TTC23L: variants seen among roughly 807,000 people sequenced by gnomAD.
TTC23L encodes the protein tetratricopeptide repeat domain 23 like.
Under a neutral mutation model 48.1 loss-of-function variants are expected in TTC23L, and 42 were observed. The ratio of observed to expected loss-of-function variants is 0.87; its 90% CI spans 0.68 to 1.13. TTC23L has a LOEUF of 1.13. Ranked by LOEUF, TTC23L falls within the 50% of genes most tolerant of loss-of-function variation. The probability of loss-of-function intolerance (pLI) is 0.00; values close to 1 mark genes in which losing one functional copy is unlikely to be tolerated. For missense variants in TTC23L, 391 were observed against 421.0 expected (o/e 0.93, Z 0.62); for synonymous variants, 159 against 157.2 (o/e 1.01, Z -0.09).
intron 10 of TTC23L, 134 bp from the exon 11 acceptor site, chr5:34,899,256 C>T (rs779377658): frequency 1.3e-5 from 2 of 152,572 alleles, no homozygotes; most frequent in Admixed American, 6.5e-5. Context: ...GTGACACAGT[C>T]GCCTCAGGCT....
chr5:34,917,595 G>A, the TTC23L span, among the ~76,000 whole-genome samples: 3 of 152,030 alleles, frequency 2.0e-5, no homozygotes, highest in African/African-American at 7.2e-5. Context: ...AGCCGAGATC[G>A]CGCCACTGCA....
downstream of TTC23L, among the ~76,000 whole-genome samples, chr5:34,900,644 A>C (rs183205957): frequency 1.8e-4 from 27 of 152,380 alleles, no homozygotes; most frequent in East Asian, 3.9e-3. Context: ...TCTTTGATAC[A>C]TATCAAGCAA....
At chr5:34,914,672 C>T in the TTC23L span, 43 of 1,612,652 alleles carry the variant, frequency 2.7e-5, no homozygotes, top group Non-Finnish European at 3.6e-5. Context: ...ATGGCACAGG[C>T]TTAAAGGCGC....
intron 7 of TTC23L, chr5:34,868,013 T>C (rs761079787): frequency 1.1e-4 from 17 of 152,202 alleles, no homozygotes; most frequent in Non-Finnish European, 2.5e-4. Context: ...AGAGTTAAAA[T>C]GTATGGAATG....
the TTC23L span, among the ~76,000 whole-genome samples, chr5:34,910,912 C>A: frequency 6.6e-6 from 1 of 152,188 alleles, no homozygotes. Context: ...CTATCAAGAA[C>A]AGCTTTTTTG....
At chr5:34,878,920 T>A (rs1762037494) in intron 8 of TTC23L, among the ~76,000 whole-genome samples, 1 of 152,174 alleles carries the variant, frequency 6.6e-6, no homozygotes. Flanking sequence ...CTATTCACAA[T>A]AGTAAAGATA....
intron 9 of TTC23L, among the ~76,000 whole-genome samples, chr5:34,884,055 C>A (rs184237053): frequency 1.6e-3 from 245 of 152,252 alleles, no homozygotes; most frequent in Middle Eastern, 3.4e-3. Flanking sequence ...GAGTCATGCA[C>A]CATCACCAAG....
the TTC23L span, chr5:34,921,055 G>A: frequency 6.6e-6 from 1 of 152,224 alleles, no homozygotes; most frequent in East Asian, 1.9e-4. Context: ...TAGTAGAGAT[G>A]GAGCTTTGCC....
intron 8 of TTC23L, among the ~76,000 whole-genome samples, chr5:34,875,536 C>T: frequency 1.3e-5 from 2 of 152,118 alleles, no homozygotes; most frequent in Middle Eastern, 6.8e-3. Flanking sequence ...TTTATCCTAG[C>T]CACAGTGGCA....
intron 4 of TTC23L, among the ~76,000 whole-genome samples, chr5:34,858,276 T>C (rs1420329745): frequency 2.0e-5 from 3 of 152,160 alleles, no homozygotes; most frequent in African/African-American, 7.2e-5. Context: ...CATAGATATA[T>C]ACAATAATAA....
intron 8 of TTC23L, among the ~76,000 whole-genome samples, chr5:34,876,182 T>C (rs1761818697): frequency 6.6e-6 from 1 of 151,764 alleles, no homozygotes; most frequent in Non-Finnish European, 1.5e-5. Context: ...AGATCTAAAA[T>C]CAGTAATCTA....
At chr5:34,915,992 A>G in the TTC23L span, 2 of 1,390,816 alleles carry the variant, frequency 1.4e-6, no homozygotes, top group South Asian at 1.5e-5. Context: ...TTAATTTCAG[A>G]GTAGCCCGGG....
intron 4 of TTC23L, among the ~76,000 whole-genome samples, chr5:34,853,523 C>T (rs1759862522): frequency 6.6e-6 from 1 of 151,988 alleles, no homozygotes. Flanking sequence ...GAGCGAGACT[C>T]TGTAGTAGTG....
chr5:34,862,969 A>G, exon 5 of TTC23L: 1 of 1,613,918 alleles, frequency 6.2e-7, no homozygotes, highest in Non-Finnish European at 8.5e-7. Flanking sequence ...GGCAAATACG[A>G]CCTCAAATAA....
At chr5:34,881,486 C>A (rs1391245731) in intron 9 of TTC23L, among the ~76,000 whole-genome samples, 1 of 152,138 alleles carries the variant, frequency 6.6e-6, no homozygotes, top group Non-Finnish European at 1.5e-5. Context: ...ACCAAGCCAA[C>A]TTTATACTTC....
intron 7 of TTC23L, chr5:34,868,025 T>G (rs746403828): frequency 9.2e-5 from 14 of 152,244 alleles, no homozygotes; most frequent in South Asian, 2.1e-4. Flanking sequence ...TATGGAATGC[T>G]TTTTCTACGT....
the TTC23L span, among the ~76,000 whole-genome samples, chr5:34,924,657 A>G: frequency 2.5e-3 from 374 of 152,332 alleles, 4 homozygotes; most frequent in African/African-American, 8.6e-3. Flanking sequence ...ACATTTTTCC[A>G]TGACAACTTC....
chr5:34,915,723 C>G, the TTC23L span: 2 of 1,591,248 alleles, frequency 1.3e-6, no homozygotes, highest in Non-Finnish European at 8.6e-7. Flanking sequence ...GCCAAGAGCG[C>G]GGGCGGCGAG....
chr5:34,901,431 C>G (rs1002354041), downstream of TTC23L, among the ~76,000 whole-genome samples: 2 of 152,190 alleles, frequency 1.3e-5, no homozygotes, highest in Admixed American at 1.3e-4. Context: ...CTCGTCATAA[C>G]ATGTTCAAAG....
Sources: allele counts gnomAD v4.1 joint callset (sites outside exome capture counted in the v4.1 genomes callset), GRCh38; gene constraint gnomAD v4.1.1; transcripts MANE v1.5; gene names NCBI Gene and HGNC (gene_info 2026-07-23, HGNC 2026-07-21).